Variants in XPR1 observed in about 807,000 individuals in gnomAD.
The protein encoded by XPR1 is xenotropic and polytropic retrovirus receptor 1.
A neutral mutation model predicts 87.5 loss-of-function variants in XPR1; 28 were observed. The ratio of observed to expected loss-of-function variants is 0.32; its 90% confidence interval spans 0.24 to 0.44. XPR1 has a LOEUF of 0.44. Among genes scored for constraint, XPR1 ranks in the 20% least tolerant of loss-of-function variants. XPR1 has a pLI of 1.00. For missense variants in XPR1, 559 were observed against 862.3 expected (o/e 0.65, Z 4.41); for synonymous variants, 300 against 306.1 (o/e 0.98, Z 0.21).
intron 2 of XPR1, among the ~76,000 whole-genome samples, chr1:180,728,018 G>C (rs547265535): frequency 4.6e-5 from 7 of 152,256 alleles, no homozygotes; most frequent in Middle Eastern, 3.4e-3. Context: ...GACTTAGAAT[G>C]CTTAACCATC....
At chr1:180,758,779 G>GGCCCCTGCGCA (rs58013893) in intron 2 of XPR1, 58,091 of 151,992 alleles carry the variant, frequency 0.38, 11,335 homozygotes, top group African/African-American at 0.42. Flanking sequence ...AGATTAGCAT[G>GGCCCCTGCGCA]AGGATGACAC....
chr1:180,756,846 A>G (rs1197291027), intron 2 of XPR1, among the ~76,000 whole-genome samples: 1 of 152,228 alleles, frequency 6.6e-6, no homozygotes, highest in Non-Finnish European at 1.5e-5. Context: ...CATGATAGAA[A>G]GACTCTCCCT....
intron 2 of XPR1, among the ~76,000 whole-genome samples, chr1:180,692,625 G>A (rs963350386): frequency 9.9e-5 from 15 of 152,048 alleles, no homozygotes; most frequent in African/African-American, 3.1e-4. Context: ...AAATGGACTC[G>A]TATATTCTAT....
In XPR1 at chr1:180,722,550, C is replaced by CATATAATGAAACTTAGTTGA. The variant is rs1470206636; in HGVS notation, c.121+40143_121+40162dup. On this transcript the variant is annotated intron_variant, in intron 2 of 14. Transcript: ENST00000367590. ...TGGCCTGTGGTGTAAAATGATCTGA[C>CATATAATGAAACTTAGTTGA]ATATAATGAAACTTAGTTGAATACA... is the stretch of plus-strand genomic sequence containing the variant. Among the ~76,000 whole-genome samples, 4 of 152,138 alleles carry CATATAATGAAACTTAGTTGA rather than the reference C, an allele frequency of 2.6e-5. 1 individual carries two copies. Among genetic ancestry groups the CATATAATGAAACTTAGTTGA allele is most frequent in the Non-Finnish European group, 5.9e-5 (4 of 68,026 alleles).
In XPR1 at chr1:180,732,192, CAA is replaced by C. The variant is rs5779071; in HGVS notation, c.121+49798_121+49799del. Among the ~76,000 whole-genome samples the C allele has an allele frequency of 2.5e-3, 264 of 107,748 alleles. 1 individual carries two copies. The highest frequency in any genetic ancestry group is 3.2e-3 in the Non-Finnish European group (168 of 52,196). The allele number at this position is 107,748 out of a possible 152,430, so 70.7% of individuals were successfully genotyped here. On this transcript the variant is annotated intron_variant, in intron 2 of 14. Transcript: ENST00000367590. The stretch of plus-strand genomic sequence containing the variant: ...TGGGTGACAAAGTGAGACTCCATCT[CAA>C]AAAAAAAAAAAAAAAAGAAGTAAAA...
intron 1 of XPR1, among the ~76,000 whole-genome samples, chr1:180,663,767 G>C (rs566365179): frequency 6.6e-6 from 1 of 152,230 alleles, no homozygotes; most frequent in African/African-American, 2.4e-5. Flanking sequence ...GTCCAGAGAT[G>C]CTCTCTGGGA....
intron 2 of XPR1, among the ~76,000 whole-genome samples, chr1:180,725,080 A>T (rs1658292036): frequency 6.6e-6 from 1 of 152,178 alleles, no homozygotes; most frequent in Admixed American, 6.5e-5. Context: ...CTGAGTAAGG[A>T]TCCCTAAAGG....
At chr1:180,716,544 C>T (rs569337694) in intron 2 of XPR1, among the ~76,000 whole-genome samples, 31 of 152,142 alleles carry the variant, frequency 2.0e-4, no homozygotes, top group Non-Finnish European at 4.0e-4. Context: ...TTAATTTATC[C>T]TGCCTTTTCT....
intron 2 of XPR1, among the ~76,000 whole-genome samples, chr1:180,693,827 A>G (rs1417094295): frequency 6.6e-6 from 1 of 152,232 alleles, no homozygotes. Context: ...CTCAAGATCT[A>G]TAATTACATT....
intron 2 of XPR1, among the ~76,000 whole-genome samples, chr1:180,706,255 A>C (rs1657554206): frequency 6.6e-6 from 1 of 152,224 alleles, no homozygotes; most frequent in South Asian, 2.1e-4. Context: ...ATTCAGAAGT[A>C]TCCATAAAAA....
At chr1:180,668,317 C>T (rs190522536) in intron 1 of XPR1, among the ~76,000 whole-genome samples, 34 of 151,586 alleles carry the variant, frequency 2.2e-4, no homozygotes, top group Admixed American at 9.2e-4. Context: ...TTAGTAGAGA[C>T]GGGGTTTCAC....
intron 2 of XPR1, among the ~76,000 whole-genome samples, chr1:180,778,950 G>T (rs921105382): frequency 6.6e-6 from 1 of 152,138 alleles, no homozygotes; most frequent in African/African-American, 2.4e-5. Flanking sequence ...GGCTTTGTGC[G>T]TGAAAGGGCC....
At chr1:180,840,172 G>A (rs992483053) in intron 11 of XPR1, among the ~76,000 whole-genome samples, 6 of 147,080 alleles carry the variant, frequency 4.1e-5, no homozygotes, top group Admixed American at 6.9e-5. Flanking sequence ...GCAGTGAGCC[G>A]AGATTGCGCC....
At chr1:180,647,415 A>T (rs190679724) in intron 1 of XPR1, among the ~76,000 whole-genome samples, 260 of 152,308 alleles carry the variant, frequency 1.7e-3, no homozygotes, top group South Asian at 4.1e-3. Flanking sequence ...GTTGTATTAT[A>T]ATCTTATGAG....
intron 1 of XPR1, among the ~76,000 whole-genome samples, chr1:180,663,960 C>G (rs1016481980): frequency 2.1e-4 from 32 of 152,164 alleles, no homozygotes; most frequent in African/African-American, 6.5e-4. Context: ...CACCAATGTG[C>G]ACTTATGGCC....
intron 2 of XPR1, among the ~76,000 whole-genome samples, chr1:180,686,086 C>T (rs1313973043): frequency 6.6e-6 from 1 of 152,096 alleles, no homozygotes; most frequent in Admixed American, 6.5e-5. Context: ...GTTAGGGTGT[C>T]AATTTTAGAT....
chr1:180,783,839 G>T (rs2102083897), intron 2 of XPR1, among the ~76,000 whole-genome samples: 1 of 151,988 alleles, frequency 6.6e-6, no homozygotes, highest in East Asian at 1.9e-4. Context: ...TGGATCACCT[G>T]AGGTCAGGAG....
chr1:180,858,898 C>T (rs761017335), intron 11 of XPR1, among the ~76,000 whole-genome samples: 1 of 152,098 alleles, frequency 6.6e-6, no homozygotes, highest in Non-Finnish European at 1.5e-5. Flanking sequence ...TTTTGGAGGA[C>T]AGTATTAATC....
intron 7 of XPR1, among the ~76,000 whole-genome samples, chr1:180,815,324 A>G (rs896302917): frequency 6.6e-6 from 1 of 152,050 alleles, no homozygotes. Context: ...CTGTGTATGC[A>G]TTTAGTGTTA....
Sources: gnomAD v4.1 joint callset for allele counts (sites outside exome capture counted in the v4.1 genomes callset) on GRCh38, gnomAD v4.1.1 for gene constraint, MANE v1.5 for transcripts, NCBI Gene and HGNC (gene_info 2026-07-23, HGNC 2026-07-21) for gene names.